Variants in SDHAF3 observed in about 807,000 individuals in gnomAD.
The protein encoded by SDHAF3 is succinate dehydrogenase assembly factor 3, mitochondrial.
Under a neutral mutation model 11.5 loss-of-function variants are expected in SDHAF3, and 18 were observed. The observed-to-expected ratio is 1.56, with a 90% CI of 1.08 to 2.32. SDHAF3 has a LOEUF of 2.32. SDHAF3 is among the 30% of genes most tolerant of loss of function. The pLI is 0.00. For missense variants in SDHAF3, 200 were observed against 154.4 expected, an observed-to-expected ratio of 1.30 and a Z score of -1.57; for synonymous variants, 72 against 59.3, an observed-to-expected ratio of 1.21 and a Z score of -0.99.
intron 1 of SDHAF3, among the ~76,000 whole-genome samples, chr7:97,171,897 G>A (rs560620199): frequency 6.6e-6 from 1 of 152,008 alleles, no homozygotes; most frequent in African/African-American, 2.4e-5. Flanking sequence ...TAAAGCTTGT[G>A]TTCAAATTAT....
intron 1 of SDHAF3, among the ~76,000 whole-genome samples, chr7:97,160,084 TGAG>T (rs1450084248): frequency 6.6e-6 from 1 of 151,528 alleles, no homozygotes; most frequent in African/African-American, 2.4e-5. Flanking sequence ...ATCTGGGAAG[TGAG>T]GAGCGCCTCT....
chr7:97,133,712 C>T (rs532620577), intron 1 of SDHAF3, among the ~76,000 whole-genome samples: 1 of 152,206 alleles, frequency 6.6e-6, no homozygotes, highest in East Asian at 1.9e-4. Flanking sequence ...TAGCTTAACC[C>T]TAGAGGAGGG....
chr7:97,150,255 C>A (rs1474832129), intron 1 of SDHAF3, among the ~76,000 whole-genome samples: 1 of 152,218 alleles, frequency 6.6e-6, no homozygotes, highest in African/African-American at 2.4e-5. Flanking sequence ...ATAGTTTGAT[C>A]TGCTCCCATG....
At chr7:97,153,252 A>G in intron 1 of SDHAF3, among the ~76,000 whole-genome samples, 2 of 152,120 alleles carry the variant, frequency 1.3e-5, no homozygotes, top group Non-Finnish European at 2.9e-5. Flanking sequence ...GTGTACTCTC[A>G]CCCTAGTTTT....
At chr7:97,121,515 AAGGC>A (rs1357625799) in intron 1 of SDHAF3, among the ~76,000 whole-genome samples, 2 of 152,184 alleles carry the variant, frequency 1.3e-5, no homozygotes, top group African/African-American at 4.8e-5. Flanking sequence ...TTTCTAGAAA[AAGGC>A]AGAAACATTT....
At chr7:97,147,746 T>C (rs1789157150) in intron 1 of SDHAF3, among the ~76,000 whole-genome samples, 1 of 152,194 alleles carries the variant, frequency 6.6e-6, no homozygotes, top group Non-Finnish European at 1.5e-5. Flanking sequence ...TGTCACAGTT[T>C]GGGCATGGTT....
chr7:97,137,764 C>T (rs1788951364), intron 1 of SDHAF3, among the ~76,000 whole-genome samples: 1 of 150,854 alleles, frequency 6.6e-6, no homozygotes, highest in South Asian at 2.1e-4. Context: ...AGTATGAGTA[C>T]AAGAGGGAAA....
chr7:97,132,614 C>G (rs140926449), intron 1 of SDHAF3, among the ~76,000 whole-genome samples: 160 of 152,228 alleles, frequency 1.1e-3, no homozygotes, highest in African/African-American at 3.5e-3. Flanking sequence ...CATGTAGTAA[C>G]TGTATTCCAT....
chr7:97,117,746 G>A lies in SDHAF3; in HGVS notation c.23G>A (p.Arg8Gln). 6.2e-7 allele frequency: 1 copy of A among 1,613,614 alleles called. No individual in the cohort carries two copies. Among genetic ancestry groups the A allele is most frequent in the Non-Finnish European group, 8.5e-7 (1 of 1,179,756 alleles). The change falls in exon 1 of 2, where the codon CGA (arginine) becomes CAA (glutamine). Residue 8 changes from arginine (R) to glutamine (Q), a missense_variant. Coordinates refer to ENST00000432641, the MANE Select transcript of SDHAF3 (RefSeq NM_020186.3). ...GCTATGCCGGGGCGGCACGTTTCTC[G>A]AGTCCGGGCATTGTACAAGCGCGTC... is the stretch of plus-strand genomic sequence containing the variant. Reference protein sequence around the residue: MPGRHVSRVRALYKRVLQ... With the variant: MPGRHVSQVRALYKRVLQ...
At chr7:97,118,265 C>T (rs892052477) in intron 1 of SDHAF3, among the ~76,000 whole-genome samples, 1 of 152,114 alleles carries the variant, frequency 6.6e-6, no homozygotes, top group Non-Finnish European at 1.5e-5. Context: ...ATTAATGGTT[C>T]TCTTATTAGT....
At chr7:97,119,694 T>C (rs1028148706) in intron 1 of SDHAF3, among the ~76,000 whole-genome samples, 2 of 152,158 alleles carry the variant, frequency 1.3e-5, no homozygotes, top group African/African-American at 4.8e-5. Flanking sequence ...CTACAATGCA[T>C]TTAGTTATTC....
At position 97,181,221 on chromosome 7, in the gene SDHAF3, A is replaced by G. The variant is rs1331525383; in HGVS notation, c.*6A>G. On this transcript the variant is annotated 3_prime_UTR_variant, in exon 2 of 2. Coordinates refer to ENST00000432641, the MANE Select transcript of SDHAF3 (RefSeq NM_020186.3). ...CTATGAAACCAAAATTTTAGTCTAT[A>G]CAACAAAGCTTAATAAGACATGCAA... 1 of 1,594,734 alleles carries G rather than the reference A, an allele frequency of 6.3e-7. No homozygotes were observed. The highest frequency in any genetic ancestry group is 1.8e-5 in the Admixed American group (1 of 54,746).
At chr7:97,119,453 A>G (rs1284898073) in intron 1 of SDHAF3, among the ~76,000 whole-genome samples, 2 of 152,194 alleles carry the variant, frequency 1.3e-5, no homozygotes, top group African/African-American at 4.8e-5. Flanking sequence ...GGTAACTGGG[A>G]TTGAGCTTTT....
At chr7:97,174,866 A>G (rs80279449) in intron 1 of SDHAF3, among the ~76,000 whole-genome samples, 16,588 of 152,136 alleles carry the variant, frequency 0.11, 910 homozygotes, top group Middle Eastern at 0.16. Context: ...TTCCTTTATT[A>G]CTTCTGAGAC....
At chr7:97,179,974 C>A (rs1789745798) in intron 1 of SDHAF3, among the ~76,000 whole-genome samples, 1 of 152,160 alleles carries the variant, frequency 6.6e-6, no homozygotes, top group Non-Finnish European at 1.5e-5. Flanking sequence ...CAGAGTTAGC[C>A]AGTTCATTCA....
chr7:97,123,358 A>T (rs190422143), intron 1 of SDHAF3, among the ~76,000 whole-genome samples: 33 of 152,088 alleles, frequency 2.2e-4, no homozygotes, highest in Non-Finnish European at 4.6e-4. Context: ...GTATTCCATG[A>T]TGTATATGTT....
At chr7:97,168,828 T>A (rs892308256) in intron 1 of SDHAF3, among the ~76,000 whole-genome samples, 4 of 152,210 alleles carry the variant, frequency 2.6e-5, no homozygotes, top group Non-Finnish European at 4.4e-5. Context: ...AATATCCTGT[T>A]CATTTCTTAC....
intron 1 of SDHAF3, among the ~76,000 whole-genome samples, chr7:97,179,225 G>T (rs543892713): frequency 6.6e-6 from 1 of 152,264 alleles, no homozygotes; most frequent in South Asian, 2.1e-4. Context: ...CCACACTTTT[G>T]TTTAATGTGG....
chr7:97,121,743 G>A (rs1190439081), intron 1 of SDHAF3, among the ~76,000 whole-genome samples: 1 of 151,916 alleles, frequency 6.6e-6, no homozygotes. Context: ...GTTAAGTCTT[G>A]AGTAGGTCAA....
Sources: allele counts gnomAD v4.1 joint callset (sites outside exome capture counted in the v4.1 genomes callset), GRCh38; gene constraint gnomAD v4.1.1; transcripts MANE v1.5; gene names NCBI Gene and HGNC (gene_info 2026-07-23, HGNC 2026-07-21).